Variants in LARGE1 observed in about 807,000 individuals in gnomAD.
LARGE1 encodes xylosyl- and glucuronyltransferase LARGE1.
LARGE1 carries 43 observed loss-of-function variants against 87.6 expected under a neutral mutation model. The observed-to-expected ratio is 0.49, with a 90% CI of 0.38 to 0.63. LARGE1 has a LOEUF of 0.63. Among genes scored for constraint, LARGE1 ranks in the 30% least tolerant of loss-of-function variants. The pLI, the probability that LARGE1 is intolerant of heterozygous loss-of-function variation, is 0.00. For synonymous variants in LARGE1, 434 were observed against 394.6 expected, an observed-to-expected ratio of 1.10 and a Z score of -1.18; for missense variants, 802 against 1,000.2, an observed-to-expected ratio of 0.80 and a Z score of 2.67.
intron 1 of LARGE1, among the ~76,000 whole-genome samples, chr22:33,911,724 A>C (rs1389438311): frequency 6.6e-6 from 1 of 152,252 alleles, no homozygotes; most frequent in Non-Finnish European, 1.5e-5. Flanking sequence ...CGGAGGAAAG[A>C]AAGCACGCAT....
chr22:33,280,628 A>G (rs1374657662), intron 13 of LARGE1, among the ~76,000 whole-genome samples: 1 of 152,200 alleles, frequency 6.6e-6, no homozygotes, highest in African/African-American at 2.4e-5. Flanking sequence ...GCTGGGCAGC[A>G]CAGGGTGCAG....
chr22:33,223,573 G>A (rs1388309480), intron 11 of LARGE1, among the ~76,000 whole-genome samples: 3 of 152,156 alleles, frequency 2.0e-5, no homozygotes, highest in Non-Finnish European at 4.4e-5. Context: ...TGGTCAGTAA[G>A]TGATGGTTCT....
intron 1 of LARGE1, among the ~76,000 whole-genome samples, chr22:33,834,167 C>A (rs1413092701): frequency 6.6e-6 from 1 of 152,056 alleles, no homozygotes; most frequent in Non-Finnish European, 1.5e-5. Flanking sequence ...GTGATAAGGT[C>A]TTTTTAAGGG....
intron 1 of LARGE1, among the ~76,000 whole-genome samples, chr22:33,780,814 G>A (rs926016795): frequency 2.0e-5 from 3 of 152,176 alleles, no homozygotes; most frequent in South Asian, 2.1e-4. Flanking sequence ...AGCCTTCAAA[G>A]TTACAGAGTA....
chr22:33,333,959 A>G (rs1215639004), intron 10 of LARGE1, among the ~76,000 whole-genome samples: 2 of 151,848 alleles, frequency 1.3e-5, no homozygotes, highest in Non-Finnish European at 2.9e-5. Flanking sequence ...TCTCTACTAA[A>G]AATACAAAAA....
downstream of LARGE1, among the ~76,000 whole-genome samples, chr22:33,160,754 A>G (rs1176554633): frequency 6.6e-6 from 1 of 152,246 alleles, no homozygotes; most frequent in Non-Finnish European, 1.5e-5. Context: ...ACATAGTGAT[A>G]GACCCTTTTC....
chr22:33,111,572 T>TC, the LARGE1 span, among the ~76,000 whole-genome samples: 9 of 151,748 alleles, frequency 5.9e-5, no homozygotes, highest in Admixed American at 1.3e-4. Flanking sequence ...CACTGACAAT[T>TC]CCCCCCGTCC....
At chr22:33,295,883 G>A (rs1171217243) in intron 12 of LARGE1, among the ~76,000 whole-genome samples, 1 of 152,168 alleles carries the variant, frequency 6.6e-6, no homozygotes, top group Admixed American at 6.5e-5. Flanking sequence ...TTCCTTAATG[G>A]GTGGCATTAA....
At chr22:33,815,535 C>A (rs2086624115) in intron 1 of LARGE1, among the ~76,000 whole-genome samples, 1 of 152,184 alleles carries the variant, frequency 6.6e-6, no homozygotes, top group African/African-American at 2.4e-5. Context: ...GGTTGAGGGA[C>A]TGGCTTTTGA....
At chr22:33,561,530 G>T (rs1408425827) in intron 6 of LARGE1, among the ~76,000 whole-genome samples, 1 of 152,222 alleles carries the variant, frequency 6.6e-6, no homozygotes, top group African/African-American at 2.4e-5. Context: ...GGACAGGGCT[G>T]CTAGCCACTC....
At chr22:33,176,181 G>T (rs1199432285) in intron 11 of LARGE1, among the ~76,000 whole-genome samples, 1 of 152,092 alleles carries the variant, frequency 6.6e-6, no homozygotes, top group African/African-American at 2.4e-5. Context: ...TTAAATGTAA[G>T]ACCTAAAACC....
chr22:33,389,327 A>ATTT (rs1172410339), intron 7 of LARGE1, among the ~76,000 whole-genome samples: 7 of 152,224 alleles, frequency 4.6e-5, no homozygotes, highest in Non-Finnish European at 1.0e-4. Context: ...AGAAAATGCT[A>ATTT]TTCTTAAAAC....
chr22:33,910,991 G>C (rs1340893193), intron 1 of LARGE1, among the ~76,000 whole-genome samples: 1 of 152,180 alleles, frequency 6.6e-6, no homozygotes, highest in African/African-American at 2.4e-5. Flanking sequence ...CATGGCTGTG[G>C]GCCTTGCACA....
At chr22:33,700,683 G>A (rs1185824754) in intron 2 of LARGE1, among the ~76,000 whole-genome samples, 10 of 152,142 alleles carry the variant, frequency 6.6e-5, no homozygotes, top group Admixed American at 6.5e-4. Flanking sequence ...CCTGGAGGCG[G>A]TGTCTGAGCT....
At chr22:33,851,253 T>C (rs2063574998) in intron 1 of LARGE1, among the ~76,000 whole-genome samples, 2 of 152,214 alleles carry the variant, frequency 1.3e-5, no homozygotes, top group Admixed American at 6.5e-5. Context: ...GATAAGACCT[T>C]GGGTCTCTTG....
At chr22:33,502,820 G>C (rs1238377291) in intron 6 of LARGE1, among the ~76,000 whole-genome samples, 1 of 152,154 alleles carries the variant, frequency 6.6e-6, no homozygotes, top group Non-Finnish European at 1.5e-5. Flanking sequence ...GCCCACCTCA[G>C]CCTCCCAAGC....
At chr22:33,761,035 C>G (rs1423473655) in intron 2 of LARGE1, among the ~76,000 whole-genome samples, 3 of 152,114 alleles carry the variant, frequency 2.0e-5, no homozygotes, top group Non-Finnish European at 4.4e-5. Context: ...AAAGATGGAC[C>G]AACTCTTGAA....
chr22:33,678,018 T>G (rs1473608033), intron 2 of LARGE1, among the ~76,000 whole-genome samples: 2 of 152,086 alleles, frequency 1.3e-5, no homozygotes, highest in African/African-American at 2.4e-5. Context: ...GGATCTACAA[T>G]ATGAGAAAAC....
intron 1 of LARGE1, among the ~76,000 whole-genome samples, chr22:33,866,729 C>T (rs1032815011): frequency 2.6e-5 from 4 of 152,138 alleles, no homozygotes; most frequent in Non-Finnish European, 1.5e-5. Flanking sequence ...TTATGGTGCA[C>T]GGTGGATTGC....
Sources: gnomAD v4.1 joint callset for allele counts (sites outside exome capture counted in the v4.1 genomes callset) on GRCh38, gnomAD v4.1.1 for gene constraint, MANE v1.5 for transcripts, NCBI Gene and HGNC (gene_info 2026-07-23, HGNC 2026-07-21) for gene names.